The following CPEB4 variants were observed in gnomAD, a reference collection of about 807,000 sequenced individuals.
The protein encoded by CPEB4 is cytoplasmic polyadenylation element binding protein 4, also known as cytoplasmic polyadenylation element-binding protein 4.
In CPEB4, 12 loss-of-function variants were observed where a neutral mutation model predicts 72.5. That is an observed-to-expected ratio of 0.17 (90% CI 0.11 to 0.27). The LOEUF (loss-of-function observed/expected upper bound fraction) is 0.27. Among genes scored for constraint, CPEB4 ranks in the 10% least tolerant of loss-of-function variants. The pLI is 1.00. For synonymous variants in CPEB4, 302 were observed against 326.3 expected (o/e 0.93, Z 0.80); for missense variants, 614 against 908.5 (o/e 0.68, Z 4.17).
At chr5:173,909,588 T>C (rs1756566756) in intron 1 of CPEB4, among the ~76,000 whole-genome samples, 1 of 152,182 alleles carries the variant, frequency 6.6e-6, no homozygotes, top group South Asian at 2.1e-4. Flanking sequence ...ACTTTCTATA[T>C]AGATTATTAG....
chr5:173,899,313 A>G (rs1756138864), intron 1 of CPEB4, among the ~76,000 whole-genome samples: 2 of 152,102 alleles, frequency 1.3e-5, no homozygotes, highest in African/African-American at 4.8e-5. Flanking sequence ...GCTTCATATC[A>G]TATTATTTCA....
In CPEB4 at chr5:173,890,663, A is replaced by C. The variant is rs140186202; in HGVS notation, c.930A>C (p.Gly310=). 5 of 1,613,922 alleles carry C rather than the reference A, an allele frequency of 3.1e-6. No homozygotes were observed. The African/African-American group carries it at 6.7e-5, about 22-fold the overall frequency. ...GCGGTGGTGGATATGGTGGCTGGGG[A>C]GGTTCCCAAGGCCGAGATCACCGCA... ...SPGGGGYGGW[G]GSQGRDHRRG... The change falls in exon 1 of 10, where the codon GGA becomes GGC. Residue 310 remains glycine (G), a synonymous_variant. Coordinates refer to ENST00000265085, the MANE Select transcript of CPEB4 (RefSeq NM_030627.4).
At chr5:173,943,465 T>G (rs780417314) in intron 4 of CPEB4, among the ~76,000 whole-genome samples, 2 of 152,202 alleles carry the variant, frequency 1.3e-5, no homozygotes, top group Admixed American at 6.5e-5. Flanking sequence ...TTTTTTCTTT[T>G]CTTTTTTACT....
chr5:173,907,062 A>G (rs1026542848), intron 1 of CPEB4, among the ~76,000 whole-genome samples: 2 of 152,162 alleles, frequency 1.3e-5, no homozygotes, highest in African/African-American at 4.8e-5. Context: ...AGGTCAAGAG[A>G]TCAAGACCAT....
intron 1 of CPEB4, among the ~76,000 whole-genome samples, chr5:173,891,984 C>A (rs1240496680): frequency 1.3e-5 from 2 of 150,026 alleles, no homozygotes; most frequent in African/African-American, 4.9e-5. Context: ...AAAAAAAAAA[C>A]AAACCCAAGG....
intron 5 of CPEB4, among the ~76,000 whole-genome samples, chr5:173,947,478 A>G (rs1758064937): frequency 6.6e-6 from 1 of 152,152 alleles, no homozygotes; most frequent in African/African-American, 2.4e-5. Flanking sequence ...CAAGGCACAA[A>G]GGTAGAAGGT....
chr5:173,945,245 C>G, intron 5 of CPEB4, 105 bp downstream of exon 5: 1 of 939,100 alleles, frequency 1.1e-6, no homozygotes, highest in South Asian at 1.7e-5. Flanking sequence ...AATAGTCAGC[C>G]CTGCTTGCAT....
chr5:173,908,000 G>A (rs1330655026), intron 1 of CPEB4, among the ~76,000 whole-genome samples: 1 of 152,214 alleles, frequency 6.6e-6, no homozygotes, highest in African/African-American at 2.4e-5. Flanking sequence ...TCCAAGACTG[G>A]TTTGTGTTGG....
chr5:173,908,626 G>A (rs1413121356), intron 1 of CPEB4, among the ~76,000 whole-genome samples: 3 of 151,984 alleles, frequency 2.0e-5, no homozygotes, highest in Non-Finnish European at 4.4e-5. Context: ...AATCATGTGG[G>A]GTAAGATGTG....
intron 1 of CPEB4, among the ~76,000 whole-genome samples, chr5:173,897,766 T>A (rs544511200): frequency 6.6e-6 from 1 of 152,338 alleles, no homozygotes; most frequent in Non-Finnish European, 1.5e-5. Flanking sequence ...TGCTTATATT[T>A]GGAAATTTTA....
At chr5:173,951,659 C>T (rs776865544) in intron 7 of CPEB4, among the ~76,000 whole-genome samples, 165 bp from the exon 8 acceptor site, 2 of 152,180 alleles carry the variant, frequency 1.3e-5, no homozygotes, top group African/African-American at 2.4e-5. Flanking sequence ...AAAAATGAAA[C>T]GATGGGTTGG....
rs373554010 is a variant in CPEB4 at position 173,933,739 on chromosome 5, G to C, written c.1258+1239G>C. On this transcript the variant is annotated intron_variant, in intron 3 of 9. Transcript: ENST00000265085. ...GAAATTGTAGTGAACCAAGATTGGGGATATTACTGTGTCATCTTAGGCAAA... is the reference window on the plus strand; with the variant it reads ...GAAATTGTAGTGAACCAAGATTGGGCATATTACTGTGTCATCTTAGGCAAA... Among the ~76,000 whole-genome samples, 15 of 152,268 alleles carry C rather than the reference G, an allele frequency of 9.9e-5. No individual in the cohort carries two copies. The East Asian group carries it at 2.7e-3, about 27-fold the overall frequency.
In CPEB4 at chr5:173,950,059, C is replaced by T. The variant is rs1245778611; in HGVS notation, c.1646C>T (p.Pro549Leu). The change falls in exon 7 of 10, where the codon CCC becomes CTC. Residue 549 changes from proline (P) to leucine (L), a missense_variant. Pro to Leu is a moderately conservative substitution (Grantham distance 98, BLOSUM62 -3). Around this residue, in one of 5 missense-constraint regions of CPEB4, gnomAD observed 101 missense variants for 243.1 expected, o/e 0.42. Coordinates refer to ENST00000265085, the MANE Select transcript of CPEB4 (RefSeq NM_030627.4). This position sits in a 1 kb window ranked among gnomAD's most constrained non-coding sequence, Gnocchi z 5.0. The stretch of plus-strand genomic sequence containing the variant: ...AAACTCTACCTTTGTGTATCAAGTC[C>T]CACTATCAAGGATAAGCCAGTAAGT... ...DGKLYLCVSS[P>L]TIKDKPVQIR... is the part of the protein sequence containing the mutation. 6.2e-7 allele frequency: 1 copy of T among 1,605,612 alleles called. No individual in the cohort carries two copies. Among genetic ancestry groups the T allele is most frequent in the East Asian group, 2.2e-5 (1 of 44,712 alleles).
chr5:173,926,907 G>A (rs1757260301), intron 2 of CPEB4, among the ~76,000 whole-genome samples: 1 of 152,122 alleles, frequency 6.6e-6, no homozygotes, highest in Admixed American at 6.6e-5. Context: ...CCAGCACTGT[G>A]GGAGGCTGAG....
At chr5:173,944,386 G>A (rs1459306347) in intron 4 of CPEB4, among the ~76,000 whole-genome samples, 3 of 151,312 alleles carry the variant, frequency 2.0e-5, no homozygotes, top group African/African-American at 7.3e-5. Context: ...GAGGTGGGAG[G>A]GTCACTTGAG....
chr5:173,928,519 G>A (rs1757329152), intron 2 of CPEB4, among the ~76,000 whole-genome samples: 1 of 152,040 alleles, frequency 6.6e-6, no homozygotes, highest in African/African-American at 2.4e-5. Flanking sequence ...TTATATAAAA[G>A]CACATATTTA....
chr5:173,890,389 G>C lies in CPEB4; in HGVS notation c.656G>C (p.Gly219Ala). The C allele has an allele frequency of 6.2e-7, 1 of 1,614,066 alleles. No individual in the cohort carries two copies. The highest frequency in any genetic ancestry group is 1.1e-5 in the South Asian group (1 of 91,066). Residue 219 changes from glycine to alanine, a missense_variant, in exon 1 of 10, where the codon GGA becomes GCA. Coordinates refer to ENST00000265085, the MANE Select transcript of CPEB4 (RefSeq NM_030627.4). ...NFPHHVSPGF[G>A]GSFSPQIGPL... ...CCCCATCATGTCAGCCCTGGCTTTG[G>C]AGGCAGCTTCTCTCCTCAGATCGGG...
intron 2 of CPEB4, among the ~76,000 whole-genome samples, chr5:173,925,273 G>C (rs771734552): frequency 2.0e-5 from 3 of 152,202 alleles, no homozygotes; most frequent in Admixed American, 1.3e-4. Context: ...ATTTGTAGCA[G>C]AGAAGGGTTT....
rs1220871892 is a variant in CPEB4, at chr5:173,953,219, G to A, written c.1909G>A (p.Ala637Thr). ...VAFSNQQSYI[A>T]AISARFVQLQ... ...GTTCTCTAATCAACAGAGTTACATA[G>A]CTGCTATCAGTGCCCGCTTTGTTCA... The change falls in exon 9 of 10, where the codon GCT becomes ACT. Residue 637 changes from alanine to threonine, a missense_variant. Physicochemically the swap from Ala to Thr is moderately conservative, Grantham distance 58. This residue lies in a region of CPEB4 where 101 missense variants were observed against 243.1 expected (regional missense o/e 0.42). Coordinates refer to ENST00000265085, the MANE Select transcript of CPEB4 (RefSeq NM_030627.4). The A allele has an allele frequency of 6.2e-7, 1 of 1,612,716 alleles. No homozygotes were observed. Among genetic ancestry groups the A allele is most frequent in the Admixed American group, 1.7e-5 (1 of 59,876 alleles).
Sources: allele counts gnomAD v4.1 joint callset (sites outside exome capture counted in the v4.1 genomes callset), GRCh38; gene constraint gnomAD v4.1.1; regional missense constraint gnomAD v4.1.1; non-coding constraint Gnocchi (gnomAD v3.1); transcripts MANE v1.5; gene names NCBI Gene and HGNC (gene_info 2026-07-23, HGNC 2026-07-21).